DSTN: variants seen among roughly 807,000 people sequenced by gnomAD.
The protein encoded by DSTN is destrin, actin depolymerizing factor, also known as destrin.
A neutral mutation model predicts 16.8 loss-of-function variants in DSTN; 10 were observed. The ratio of observed to expected loss-of-function variants is 0.60; its 90% confidence interval spans 0.37 to 1.01. The LOEUF is 1.01. DSTN is among the 50% of genes least tolerant of loss of function. DSTN has a pLI of 0.01. For missense variants in DSTN, 141 were observed against 196.7 expected (o/e 0.72, Z 1.69); for synonymous variants, 57 against 58.9 (o/e 0.97, Z 0.14).
chr20:17,585,737 A>C (rs1204447561), intron 1 of DSTN, among the ~76,000 whole-genome samples: 1 of 152,104 alleles, frequency 6.6e-6, no homozygotes, highest in Admixed American at 6.6e-5. Flanking sequence ...TTCACACACA[A>C]AAAATTCCTC....
At chr20:17,572,784 A>G (rs2035222272) in intron 1 of DSTN, among the ~76,000 whole-genome samples, 1 of 152,228 alleles carries the variant, frequency 6.6e-6, no homozygotes, top group Admixed American at 6.5e-5. Flanking sequence ...GTTTTAAAAT[A>G]ATAATTTTGA....
intron 1 of DSTN, chr20:17,592,132 C>A: frequency 1.0e-6 from 1 of 982,278 alleles, no homozygotes; most frequent in Non-Finnish European, 1.2e-6. Flanking sequence ...TTATCAAGAA[C>A]CTAGGGACTA....
At chr20:17,605,182 G>A in intron 3 of DSTN, 1 of 456,284 alleles carries the variant, frequency 2.2e-6, no homozygotes, top group Non-Finnish European at 4.4e-6. Context: ...CTGATGAGAT[G>A]GCCTGGCCAG....
chr20:17,596,767 C>T (rs1426360278), intron 1 of DSTN: 1 of 984,884 alleles, frequency 1.0e-6, no homozygotes, highest in Admixed American at 6.2e-5. Flanking sequence ...AAAATTCTTC[C>T]TTACTGAGGC....
At chr20:17,577,979 C>T (rs904772231) in intron 1 of DSTN, among the ~76,000 whole-genome samples, 4 of 152,176 alleles carry the variant, frequency 2.6e-5, no homozygotes, top group Non-Finnish European at 4.4e-5. Flanking sequence ...GTTCCTCAGT[C>T]ACACTAGCCA....
intron 1 of DSTN, among the ~76,000 whole-genome samples, chr20:17,585,034 A>G (rs2035390680): frequency 6.6e-6 from 1 of 152,178 alleles, no homozygotes; most frequent in South Asian, 2.1e-4. Flanking sequence ...AAGTGAGGTT[A>G]CTGGGTTAAA....
intron 2 of DSTN, among the ~76,000 whole-genome samples, chr20:17,601,278 A>G (rs2035584799): frequency 1.4e-5 from 2 of 143,382 alleles, no homozygotes; most frequent in Admixed American, 6.9e-5. Context: ...TTTTTTTTCA[A>G]TGGGGAAAGG....
At chr20:17,594,440 A>T (rs943096221) in intron 1 of DSTN, among the ~76,000 whole-genome samples, 1 of 152,152 alleles carries the variant, frequency 6.6e-6, no homozygotes, top group Non-Finnish European at 1.5e-5. Context: ...TTAATTTTTG[A>T]TGTTTTAAAA....
chr20:17,590,669 G>A (rs956833641), intron 1 of DSTN, among the ~76,000 whole-genome samples: 3 of 152,128 alleles, frequency 2.0e-5, no homozygotes, highest in Non-Finnish European at 1.5e-5. Flanking sequence ...TCCTTTAATG[G>A]TCTTTATTGT....
rs775022738 is a variant in DSTN at position 17,570,182 on chromosome 20, C to T, written c.-27C>T. 2.6e-6 allele frequency: 4 copies of T among 1,519,038 alleles called. No individual in the cohort carries two copies. The highest frequency in any genetic ancestry group is 3.5e-6 in the Non-Finnish European group (4 of 1,137,324). The allele number at this position is 1,519,038 out of a possible 1,614,324, so 94.1% of individuals were successfully genotyped here. On this transcript the variant is annotated 5_prime_UTR_variant, in exon 1 of 4. Transcript: ENST00000246069. The stretch of plus-strand genomic sequence containing the variant: ...CTCGCTGCCCGCCGGCTCCCTCCCC[C>T]GCGTCCCTGCGACCGCCGCGGCGAA...
At chr20:17,592,095 G>A (rs1347257314) in intron 1 of DSTN, 5 of 985,228 alleles carry the variant, frequency 5.1e-6, no homozygotes, top group Non-Finnish European at 4.8e-6. Flanking sequence ...TCTGCCTCAT[G>A]GTTTTAGTTT....
chr20:17,607,137 C>A lies in DSTN; in HGVS notation c.489C>A (p.Cys163Ter). ...CCTTAATTGTAGCCTTTGAAGGATGCCCTGTGTAGATTATTCAGTGCCACA... is the reference window on the plus strand; with the variant it reads ...CCTTAATTGTAGCCTTTGAAGGATGACCTGTGTAGATTATTCAGTGCCACA... ...GGSLIVAFEG[C>*]PV The change falls in exon 4 of 4, where the codon TGC (cysteine) becomes TGA (stop). Residue 163 changes from cysteine (C) to a stop codon, truncating the protein, a stop_gained. Coordinates refer to ENST00000246069, the MANE Select transcript of DSTN (RefSeq NM_006870.4). LOFTEE classifies it high-confidence loss of function. 1 of 1,611,928 alleles carries A rather than the reference C, an allele frequency of 6.2e-7. No homozygotes were observed. The highest frequency in any genetic ancestry group is 8.5e-7 in the Non-Finnish European group (1 of 1,179,720).
chr20:17,594,946 A>G (rs2035510420), intron 1 of DSTN, among the ~76,000 whole-genome samples: 1 of 152,196 alleles, frequency 6.6e-6, no homozygotes, highest in Non-Finnish European at 1.5e-5. Context: ...GTTGTGCATC[A>G]CATGCCTTTG....
intron 2 of DSTN, among the ~76,000 whole-genome samples, chr20:17,603,460 G>T (rs1048511338): frequency 6.6e-6 from 1 of 152,114 alleles, no homozygotes; most frequent in Non-Finnish European, 1.5e-5. Flanking sequence ...TAAGTCACAG[G>T]CTCCAAGAAC....
At chr20:17,583,072 A>G (rs1167848921) in intron 1 of DSTN, among the ~76,000 whole-genome samples, 4 of 152,248 alleles carry the variant, frequency 2.6e-5, no homozygotes, top group Admixed American at 2.0e-4. Flanking sequence ...AGATGTGCAA[A>G]TGACTAATAA....
intron 1 of DSTN, among the ~76,000 whole-genome samples, chr20:17,585,729 C>G (rs1440512793): frequency 6.6e-6 from 1 of 152,058 alleles, no homozygotes; most frequent in African/African-American, 2.4e-5. Context: ...ATAATTCCTT[C>G]ACACACAAAA....
At chr20:17,577,072 A>G (rs6044891) in intron 1 of DSTN, among the ~76,000 whole-genome samples, 60,710 of 152,142 alleles carry the variant, frequency 0.4, 12,895 homozygotes, top group East Asian at 0.64. Context: ...ATCATATAAA[A>G]TAATTTTCAG....
chr20:17,579,066 T>C lies in DSTN; in HGVS notation c.3+8855T>C, dbSNP rs541300892. Among the ~76,000 whole-genome samples the C allele has an allele frequency of 3.3e-5, 5 of 152,180 alleles. No individual in the cohort carries two copies. The East Asian group carries it at 9.7e-4, about 29-fold the overall frequency. On this transcript the variant is annotated intron_variant, in intron 1 of 3. Transcript: ENST00000246069. ...TTATAGCAGTTCATTGAGATAGATA[T>C]TATTTGTGTTAAACTGTACTGCCAC...
Position 17,602,728 on chromosome 20 carries a change from A to G in DSTN, c.311+1683A>G, listed in dbSNP as rs188863083. 3.9e-5 allele frequency among the ~76,000 whole-genome samples: 6 copies of G among 152,292 alleles called. No homozygotes were observed. The East Asian group carries it at 1.2e-3, about 29-fold the overall frequency. ...TTTTATGTTTCTGACCTATTTTCAT[A>G]ACAAAAGTACCCACTCTGCTGGGCG... On this transcript the variant is annotated intron_variant, in intron 2 of 3. Transcript: ENST00000246069.
Sources: allele counts gnomAD v4.1 joint callset (sites outside exome capture counted in the v4.1 genomes callset), GRCh38; gene constraint gnomAD v4.1.1; transcripts MANE v1.5; gene names NCBI Gene and HGNC (gene_info 2026-07-23, HGNC 2026-07-21).